Variants in SLC22A2 observed in about 807,000 individuals in gnomAD.
SLC22A2 encodes organic cation transporter 2.
SLC22A2 carries 46 observed loss-of-function variants against 60.5 expected under a neutral mutation model. That is an observed-to-expected ratio of 0.76 (90% confidence interval 0.60 to 0.97). The LOEUF (loss-of-function observed/expected upper bound fraction) is 0.97. Among genes scored for constraint, SLC22A2 ranks in the 50% least tolerant of loss-of-function variants. The pLI is 0.00. For synonymous variants in SLC22A2, 303 were observed against 267.0 expected, an observed-to-expected ratio of 1.13 and a Z score of -1.31; for missense variants, 701 against 706.6, an observed-to-expected ratio of 0.99 and a Z score of 0.09.
At chr6:160,229,713 A>G (rs1005513667) in intron 9 of SLC22A2, among the ~76,000 whole-genome samples, 1 of 151,516 alleles carries the variant, frequency 6.6e-6, no homozygotes, top group African/African-American at 2.4e-5. Flanking sequence ...TTCATTATGG[A>G]CAACCTTCCA....
Position 160,243,413 on chromosome 6 carries a change from C to T in SLC22A2, c.1279+159G>A, listed in dbSNP as rs181512987. Among the ~76,000 whole-genome samples the T allele has an allele frequency of 3.0e-3, 460 of 152,128 alleles. 1 individual carries two copies. The highest frequency in any genetic ancestry group is 4.5e-3 in the Non-Finnish European group (305 of 67,988). On this transcript the variant is annotated intron_variant, in intron 7 of 10. Transcript: ENST00000366953. ...ACAATTTTTCCTAAAGGGAGGCTGGCCATATGAATTTGCTCAGAAGGGTCC... is the reference window on the plus strand; with the variant it reads ...ACAATTTTTCCTAAAGGGAGGCTGGTCATATGAATTTGCTCAGAAGGGTCC...
At chr6:160,243,485 A>C (rs1391183393) in intron 7 of SLC22A2, 87 bp downstream of exon 7, 1 of 1,021,146 alleles carries the variant, frequency 9.8e-7, no homozygotes. Flanking sequence ...TTGGATGACA[A>C]ATTACATGGT....
rs1196922904 is a variant in SLC22A2 at position 160,258,706 on chromosome 6, A to C, written c.52T>G (p.Phe18Val). The C allele has an allele frequency of 6.3e-7, 1 of 1,599,072 alleles. No individual in the cohort carries two copies. The highest frequency in any genetic ancestry group is 1.7e-5 in the Admixed American group (1 of 58,754). ...VLEHGGEFHFFQKQMFFLLAL... is the reference protein window; with the variant it reads ...VLEHGGEFHFVQKQMFFLLAL... ...AAGAGGAAAAACATTTGCTTCTGGA[A>C]AAAGTGAAACTCCCCTCCATGCTCC... The change falls in exon 1 of 11, where the codon TTC becomes GTC. Residue 18 changes from phenylalanine (F) to valine (V), a missense_variant. Transcript: ENST00000366953.
At chr6:160,227,471 A>T (rs991345623) in intron 9 of SLC22A2, among the ~76,000 whole-genome samples, 1 of 152,202 alleles carries the variant, frequency 6.6e-6, no homozygotes, top group Non-Finnish European at 1.5e-5. Flanking sequence ...GCATGTATTG[A>T]TGGATGGCTT....
In SLC22A2 at chr6:160,257,518, C is replaced by T. The variant is rs180782650; in HGVS notation, c.415-801G>A. Reference sequence around the variant, plus strand: ...TGAGATTGGCCATGTGAGAGAGCCTCGGAGAGTTTGTGGTGTGAAGCCCAT... The same window carrying T: ...TGAGATTGGCCATGTGAGAGAGCCTTGGAGAGTTTGTGGTGTGAAGCCCAT... On this transcript the variant is annotated intron_variant, in intron 1 of 10. Transcript: ENST00000366953. Among the ~76,000 whole-genome samples the T allele has an allele frequency of 2.3e-4, 35 of 152,192 alleles. No homozygotes were observed. In the East Asian group the frequency reaches 6.2e-3, roughly 27 times the overall value.
chr6:160,229,380 G>A (rs909077140), intron 9 of SLC22A2, among the ~76,000 whole-genome samples: 5 of 152,014 alleles, frequency 3.3e-5, no homozygotes, highest in Non-Finnish European at 2.9e-5. Context: ...CACCAGTCAC[G>A]GACTTGGGTT....
chr6:160,219,246 TAAC>T (rs1465564486), intron 10 of SLC22A2, among the ~76,000 whole-genome samples: 64 of 106,576 alleles, frequency 6.0e-4, no homozygotes, highest in African/African-American at 2.4e-3. Flanking sequence ...GCAACAACAG[TAAC>T]AACAGTAGAA....
intron 2 of SLC22A2, 95 bp downstream of exon 2, chr6:160,256,519 T>C (rs561658986): frequency 6.3e-5 from 51 of 804,100 alleles, no homozygotes; most frequent in Non-Finnish European, 1.0e-4. Flanking sequence ...TCTGTGTGCT[T>C]GGGAAAGGAT....
At position 160,247,056 on chromosome 6, in the gene SLC22A2, C is replaced by T. The variant is rs1562437024; in HGVS notation, c.957+128G>A. On this transcript the variant is annotated intron_variant, in intron 5 of 10. Coordinates refer to ENST00000366953, the MANE Select transcript of SLC22A2 (RefSeq NM_003058.4). ...TAAAATTCTCTGTTGCATTCCGCTA[C>T]AGGTAAGCCAAAATGCAAGGGGGTG... 4.4e-5 allele frequency: 27 copies of T among 611,424 alleles called. No homozygotes were observed. In the East Asian group the frequency reaches 7.4e-4, roughly 17 times the overall value. The allele number at this position is 611,424 out of a possible 1,614,324, so 37.9% of individuals were successfully genotyped here.
At chr6:160,220,470 C>T (rs531755320) in intron 10 of SLC22A2, among the ~76,000 whole-genome samples, 160 of 152,292 alleles carry the variant, frequency 1.1e-3, no homozygotes, top group African/African-American at 3.7e-3. Context: ...CTCCCATTAA[C>T]GTTCATATTT....
At chr6:160,253,385 A>G (rs1303535653) in intron 2 of SLC22A2, among the ~76,000 whole-genome samples, 1 of 152,210 alleles carries the variant, frequency 6.6e-6, no homozygotes, top group Non-Finnish European at 1.5e-5. Context: ...AGTCATTGCC[A>G]TTAAAAGGGG....
chr6:160,255,574 A>G (rs1783256343), intron 2 of SLC22A2, among the ~76,000 whole-genome samples: 1 of 152,098 alleles, frequency 6.6e-6, no homozygotes, highest in Admixed American at 6.6e-5. Flanking sequence ...ATGTAAATTC[A>G]TAATTATATA....
intron 9 of SLC22A2, among the ~76,000 whole-genome samples, chr6:160,227,512 G>A: frequency 6.6e-6 from 1 of 152,240 alleles, no homozygotes; most frequent in East Asian, 1.9e-4. Context: ...AAACCAAGCT[G>A]TAATCCAACT....
intron 10 of SLC22A2, among the ~76,000 whole-genome samples, chr6:160,218,832 A>T (rs1782586647): frequency 9.7e-5 from 1 of 10,318 alleles, no homozygotes; most frequent in East Asian, 2.7e-3. Flanking sequence ...ACACCATCAC[A>T]ATTAAGAGCA....
intron 3 of SLC22A2, among the ~76,000 whole-genome samples, chr6:160,250,331 A>T (rs564692901): frequency 6.6e-6 from 1 of 152,310 alleles, no homozygotes; most frequent in South Asian, 2.1e-4. Context: ...GGGTGGCATT[A>T]TGTTTACCCT....
chr6:160,236,089 A>G (rs185402503), intron 9 of SLC22A2, among the ~76,000 whole-genome samples: 1 of 151,308 alleles, frequency 6.6e-6, no homozygotes, highest in East Asian at 1.9e-4. Context: ...CTAAGACTTT[A>G]CCATCCACAG....
intron 9 of SLC22A2, among the ~76,000 whole-genome samples, chr6:160,233,307 C>T (rs535575016): frequency 6.6e-6 from 1 of 151,840 alleles, no homozygotes; most frequent in African/African-American, 2.4e-5. Flanking sequence ...TTTTGGCCTT[C>T]CCACCTCTAT....
intron 9 of SLC22A2, among the ~76,000 whole-genome samples, chr6:160,229,809 A>G (rs1444978655): frequency 6.6e-6 from 1 of 151,832 alleles, no homozygotes; most frequent in Non-Finnish European, 1.5e-5. Flanking sequence ...AAATCTAAGC[A>G]TCTTATTTTC....
At chr6:160,236,223 A>G (rs1396211430) in intron 9 of SLC22A2, among the ~76,000 whole-genome samples, 1 of 152,190 alleles carries the variant, frequency 6.6e-6, no homozygotes, top group East Asian at 1.9e-4. Context: ...AGAATAGAGG[A>G]AAATACTTTC....
Sources: gnomAD v4.1 joint callset for allele counts (sites outside exome capture counted in the v4.1 genomes callset) on GRCh38, gnomAD v4.1.1 for gene constraint, MANE v1.5 for transcripts, NCBI Gene and HGNC (gene_info 2026-07-23, HGNC 2026-07-21) for gene names.